Variants in ERC1 observed in about 807,000 individuals in gnomAD.
The protein encoded by ERC1 is ELKS/RAB6-interacting/CAST family member 1, also known as RAB6 interacting protein 2.
A neutral mutation model predicts 132.0 loss-of-function variants in ERC1; 56 were observed. That is an observed-to-expected ratio of 0.42 (90% CI 0.34 to 0.53). The LOEUF is 0.53. Ranked by LOEUF, ERC1 falls within the 20% of genes least tolerant of loss-of-function variation. The pLI is 0.03. For missense variants in ERC1, 1,202 were observed against 1,349.9 expected (o/e 0.89, Z 1.72); for synonymous variants, 478 against 476.1 (o/e 1.00, Z -0.05).
intron 2 of ERC1, among the ~76,000 whole-genome samples, chr12:1,040,324 C>CTTTTTTTTTTTTTTT (rs956609769): frequency 1.0e-4 from 14 of 138,078 alleles, no homozygotes; most frequent in Non-Finnish European, 1.6e-4. Context: ...TTTCTTTTTT[C>CTTTTTTTTTTTTTTT]TTTTTTTTTT....
chr12:1,342,184 G>A (rs577520942), intron 15 of ERC1, among the ~76,000 whole-genome samples: 1 of 152,124 alleles, frequency 6.6e-6, no homozygotes, highest in Admixed American at 6.5e-5. Context: ...GTTAATGCGG[G>A]CCGGGTGCGG....
At chr12:1,030,665 C>A (rs1256015262) in intron 2 of ERC1, among the ~76,000 whole-genome samples, 1 of 152,154 alleles carries the variant, frequency 6.6e-6, no homozygotes, top group Non-Finnish European at 1.5e-5. Context: ...AGGCCACAGT[C>A]AGCCGAGATT....
intron 14 of ERC1, among the ~76,000 whole-genome samples, chr12:1,284,515 A>T (rs2078915498): frequency 6.6e-6 from 1 of 152,114 alleles, no homozygotes; most frequent in East Asian, 1.9e-4. Flanking sequence ...GAAACACCAT[A>T]CTATTTTCCA....
At chr12:1,002,185 TTTTTTTTTGA>T (rs1962498564) in intron 1 of ERC1, among the ~76,000 whole-genome samples, 1 of 126,580 alleles carries the variant, frequency 7.9e-6, no homozygotes, top group Admixed American at 8.0e-5. Flanking sequence ...TTTTTTTTTT[TTTTTTTTTGA>T]GACAGTTTCA....
intron 13 of ERC1, among the ~76,000 whole-genome samples, chr12:1,246,793 G>A (rs1037429468): frequency 6.6e-6 from 1 of 152,128 alleles, no homozygotes; most frequent in Non-Finnish European, 1.5e-5. Context: ...CCAGTAATGA[G>A]AAAATGCCAG....
At chr12:1,157,765 A>G (rs2906112) in intron 8 of ERC1, among the ~76,000 whole-genome samples, 1 of 151,956 alleles carries the variant, frequency 6.6e-6, no homozygotes, top group Non-Finnish European at 1.5e-5. Flanking sequence ...GGATGATCAG[A>G]TTTTTCAAAT....
intron 15 of ERC1, among the ~76,000 whole-genome samples, chr12:1,301,399 A>T (rs1314237795): frequency 6.6e-6 from 1 of 152,246 alleles, no homozygotes; most frequent in Admixed American, 6.5e-5. Context: ...TCAATAACAA[A>T]GACATGGAAT....
intron 17 of ERC1, among the ~76,000 whole-genome samples, chr12:1,408,521 CTAA>C (rs1419648503): frequency 2.0e-5 from 3 of 152,190 alleles, no homozygotes; most frequent in Admixed American, 1.3e-4. Context: ...GAGATACACA[CTAA>C]TAATATGTAA....
At chr12:1,146,314 T>TTTTTTTTTGTTG (rs1950349902) in intron 8 of ERC1, among the ~76,000 whole-genome samples, 9 of 132,744 alleles carry the variant, frequency 6.8e-5, no homozygotes, top group African/African-American at 3.1e-4. Context: ...ACTGGTTTTT[T>TTTTTTTTTGTTG]TTTTTTTTTT....
chr12:1,083,098 G>T, intron 2 of ERC1, 66 bp from the exon 3 acceptor site: 1 of 1,370,676 alleles, frequency 7.3e-7, no homozygotes, highest in South Asian at 1.4e-5. Context: ...ATTCCTGCAG[G>T]CTGCTCTGAT....
At chr12:1,218,436 A>G (rs1958628866) in intron 12 of ERC1, among the ~76,000 whole-genome samples, 1 of 152,142 alleles carries the variant, frequency 6.6e-6, no homozygotes, top group African/African-American at 2.4e-5. Context: ...GTCTTATTCT[A>G]GTTGCCACCC....
At position 1,487,372 on chromosome 12, in the gene ERC1, ATTTTTTTTTTTTTTT is replaced by A. The variant is rs574707385; in HGVS notation, c.3214-2707_3214-2693del. On this transcript the variant is annotated intron_variant, in intron 18 of 18. Coordinates refer to ENST00000360905, the MANE Select transcript of ERC1 (RefSeq NM_178040.4). ...CTGTCTTATGGTGCCAAGCATCTAGATTTTTTTTTTTTTTTTTTTTTTTTTTTTGCCTGTTTTAAG... is the reference window on the plus strand; with the variant it reads ...CTGTCTTATGGTGCCAAGCATCTAGATTTTTTTTTTTTTGCCTGTTTTAAG... 2.1e-4 allele frequency among the ~76,000 whole-genome samples: 12 copies of A among 57,924 alleles called. No individual in the cohort carries two copies. In the Admixed American group the frequency reaches 2.3e-3, roughly 11 times the overall value. The allele number at this position is 57,924 out of a possible 152,430, so 38.0% of individuals were successfully genotyped here.
chr12:1,197,953 A>G (rs988662974), intron 12 of ERC1, among the ~76,000 whole-genome samples: 2 of 150,816 alleles, frequency 1.3e-5, no homozygotes, highest in African/African-American at 4.9e-5. Context: ...TTTTTGAGGC[A>G]GGGTCTCTCT....
At chr12:1,277,882 T>C (rs781709028) in intron 14 of ERC1, among the ~76,000 whole-genome samples, 6 of 152,216 alleles carry the variant, frequency 3.9e-5, no homozygotes, top group Non-Finnish European at 7.3e-5. Context: ...CTAAGAGATA[T>C]GACAGTTCAC....
At chr12:1,260,594 A>G (rs963655680) in intron 13 of ERC1, among the ~76,000 whole-genome samples, 7 of 152,220 alleles carry the variant, frequency 4.6e-5, no homozygotes, top group African/African-American at 1.7e-4. Flanking sequence ...CTGTGGTTCA[A>G]CACAAGAGAA....
intron 8 of ERC1, among the ~76,000 whole-genome samples, chr12:1,172,201 G>C (rs1953139537): frequency 6.6e-6 from 1 of 152,184 alleles, no homozygotes; most frequent in South Asian, 2.1e-4. Flanking sequence ...TGGGTACAGT[G>C]ACTCACATCT....
chr12:998,645 A>C (rs1413219881), intron 1 of ERC1, among the ~76,000 whole-genome samples: 1 of 152,174 alleles, frequency 6.6e-6, no homozygotes, highest in Non-Finnish European at 1.5e-5. Context: ...TCAGCCAGTC[A>C]CTAGGTCCAG....
chr12:993,219 A>G (rs769938656), intron 1 of ERC1, among the ~76,000 whole-genome samples: 7 of 152,246 alleles, frequency 4.6e-5, no homozygotes, highest in Non-Finnish European at 8.8e-5. Context: ...GATTAGTTAG[A>G]AGGAAAACAA....
chr12:1,120,913 C>T (rs1456364445), intron 7 of ERC1, among the ~76,000 whole-genome samples: 1 of 152,074 alleles, frequency 6.6e-6, no homozygotes, highest in Non-Finnish European at 1.5e-5. Context: ...TGTTGTTTGA[C>T]GTGCACCCTC....
Sources: gnomAD v4.1 joint callset for allele counts (sites outside exome capture counted in the v4.1 genomes callset) on GRCh38, gnomAD v4.1.1 for gene constraint, MANE v1.5 for transcripts, NCBI Gene and HGNC (gene_info 2026-07-23, HGNC 2026-07-21) for gene names.